The following TUBGCP3 variants were observed in gnomAD, a reference collection of about 807,000 sequenced individuals.
TUBGCP3 encodes tubulin gamma complex component 3.
TUBGCP3 carries 50 observed loss-of-function variants against 123.1 expected under a neutral mutation model. The ratio of observed to expected loss-of-function variants is 0.41; its 90% CI spans 0.32 to 0.51. The LOEUF is 0.51. TUBGCP3 is among the 20% of genes least tolerant of loss of function. The probability of loss-of-function intolerance (pLI) is 0.36; values close to 1 mark genes in which losing one functional copy is unlikely to be tolerated. For synonymous variants in TUBGCP3, 405 were observed against 413.9 expected (o/e 0.98, Z 0.26); for missense variants, 882 against 1,127.0 (o/e 0.78, Z 3.11).
chr13:112,541,237 C>T (rs1296210561), intron 11 of TUBGCP3, among the ~76,000 whole-genome samples: 4 of 152,274 alleles, frequency 2.6e-5, no homozygotes, highest in African/African-American at 9.6e-5. Flanking sequence ...CCTTTAAGGA[C>T]TCCTTTAAAA....
chr13:112,537,874 T>C (rs190920065), intron 11 of TUBGCP3, among the ~76,000 whole-genome samples: 9 of 152,350 alleles, frequency 5.9e-5, no homozygotes, highest in African/African-American at 2.2e-4. Context: ...GTAGTCCGTA[T>C]GCTTCTAGGA....
chr13:112,555,177 G>A (rs1879923748), intron 6 of TUBGCP3, among the ~76,000 whole-genome samples, 172 bp from the exon 7 acceptor site: 1 of 152,192 alleles, frequency 6.6e-6, no homozygotes, highest in Non-Finnish European at 1.5e-5. Context: ...AACAAGGCGA[G>A]TCTCAGTCTA....
chr13:112,540,314 C>T (rs1172224587), intron 11 of TUBGCP3, among the ~76,000 whole-genome samples: 1 of 142,744 alleles, frequency 7.0e-6, no homozygotes, highest in East Asian at 2.1e-4. Context: ...GGAAAGGACA[C>T]CTGGGAATGA....
At chr13:112,602,278 T>C in the TUBGCP3 span, among the ~76,000 whole-genome samples, 1 of 152,176 alleles carries the variant, frequency 6.6e-6, no homozygotes, top group African/African-American at 2.4e-5. Flanking sequence ...AGAAATCTGA[T>C]AAGACATTTG....
At chr13:112,523,225 G>A (rs778691743) in intron 13 of TUBGCP3, among the ~76,000 whole-genome samples, 1 of 152,172 alleles carries the variant, frequency 6.6e-6, no homozygotes, top group Non-Finnish European at 1.5e-5. Context: ...ACCCCAGTGG[G>A]AGGAACAACC....
chr13:112,535,542 A>G (rs1027124563), intron 11 of TUBGCP3, among the ~76,000 whole-genome samples: 4 of 152,148 alleles, frequency 2.6e-5, no homozygotes, highest in Non-Finnish European at 5.9e-5. Context: ...ATTTCGCTAT[A>G]ATAATAATCT....
rs115219805 is a variant in TUBGCP3, at chr13:112,568,159, C to T, written c.184+993G>A. The stretch of plus-strand genomic sequence containing the variant: ...CTAAGACCCAAAGCCAAATGGACTT[C>T]TAGAAGGTGTTATCACTAAGACCCA... On this transcript the variant is annotated intron_variant, in intron 2 of 21. Transcript: ENST00000261965. Among the ~76,000 whole-genome samples the T allele has an allele frequency of 6.5e-3, 985 of 151,120 alleles. 6 individuals are homozygous for T. The highest frequency in any genetic ancestry group is 0.021 in the African/African-American group (881 of 41,094).
At chr13:112,506,271 G>A (rs1383716331) in intron 17 of TUBGCP3, among the ~76,000 whole-genome samples, 1 of 152,064 alleles carries the variant, frequency 6.6e-6, no homozygotes, top group East Asian at 1.9e-4. Flanking sequence ...AAGGGCCCTC[G>A]TCCACATCCA....
chr13:112,526,960 C>A lies in TUBGCP3; in HGVS notation c.1537G>T (p.Ala513Ser), dbSNP rs767553924. 1 of 1,613,932 alleles carries A rather than the reference C, an allele frequency of 6.2e-7. No individual in the cohort carries two copies. The highest frequency in any genetic ancestry group is 8.5e-7 in the Non-Finnish European group (1 of 1,179,790). Residue 513 changes from alanine to serine, a missense_variant, in exon 13 of 22, where the codon GCA becomes TCA. Around this residue, in one of 3 missense-constraint regions of TUBGCP3, gnomAD observed 713 missense variants for 874.0 expected, o/e 0.82. Coordinates refer to ENST00000261965, the MANE Select transcript of TUBGCP3 (RefSeq NM_006322.6). ...TTKMIAVTKS[A>S]ESPQDAADLF... is the part of the protein sequence containing the mutation. ...ATCATACCGTCCTGGGGTGACTCTGCAGACTTGGTCACAGCTATCATCTTT... is the reference window on the plus strand; with the variant it reads ...ATCATACCGTCCTGGGGTGACTCTGAAGACTTGGTCACAGCTATCATCTTT...
chr13:112,515,213 A>G (rs9783579), intron 17 of TUBGCP3, among the ~76,000 whole-genome samples: 1,540 of 152,298 alleles, frequency 0.01, 24 homozygotes, highest in African/African-American at 0.035. Context: ...TCAGAAAACT[A>G]TATCGCAACC....
intron 1 of TUBGCP3, among the ~76,000 whole-genome samples, chr13:112,587,056 C>A (rs762922897): frequency 6.6e-6 from 1 of 152,202 alleles, no homozygotes; most frequent in Non-Finnish European, 1.5e-5. Context: ...TGAGTAACTT[C>A]TTTTCCACAT....
chr13:112,600,460 A>C, the TUBGCP3 span, among the ~76,000 whole-genome samples: 5 of 152,210 alleles, frequency 3.3e-5, no homozygotes, highest in African/African-American at 1.2e-4. Flanking sequence ...TTGTTCTGAC[A>C]TCATATCAAC....
chr13:112,534,571 A>G (rs1877882698), intron 11 of TUBGCP3, among the ~76,000 whole-genome samples: 1 of 151,976 alleles, frequency 6.6e-6, no homozygotes, highest in African/African-American at 2.4e-5. Flanking sequence ...ACAAAACAGA[A>G]AAAACTCCTG....
chr13:112,498,398 T>C (rs1248085919), intron 20 of TUBGCP3, among the ~76,000 whole-genome samples: 1 of 152,208 alleles, frequency 6.6e-6, no homozygotes, highest in Admixed American at 6.5e-5. Flanking sequence ...CATAGTAGCC[T>C]GAAGGTAATT....
Position 112,485,987 on chromosome 13 carries a change from C to T in TUBGCP3, c.*6G>A, listed in dbSNP as rs772541121. ...CACCCGCAGCTCCCTGGGAGGACCG[C>T]GAGCTTCACGTGTGGGAGCTGCGCC... is the stretch of plus-strand genomic sequence containing the variant. On this transcript the variant is annotated 3_prime_UTR_variant, in exon 22 of 22. Transcript: ENST00000261965. 4.4e-6 allele frequency: 7 copies of T among 1,579,658 alleles called. No individual in the cohort carries two copies. Among genetic ancestry groups the T allele is most frequent in the Middle Eastern group, 1.7e-4 (1 of 5,880 alleles).
intron 1 of TUBGCP3, 138 bp downstream of exon 1, chr13:112,587,767 A>C: frequency 1.5e-6 from 1 of 669,384 alleles, no homozygotes; most frequent in Non-Finnish European, 2.2e-6. Context: ...TCCGGGCCCC[A>C]CGTCCTCGGC....
chr13:112,593,374 C>G, the TUBGCP3 span, among the ~76,000 whole-genome samples: 2 of 152,236 alleles, frequency 1.3e-5, no homozygotes, highest in African/African-American at 2.4e-5. Flanking sequence ...GCCACGATGA[C>G]ACCACTGCTC....
intron 2 of TUBGCP3, 105 bp downstream of exon 2, chr13:112,569,047 T>G: frequency 4.1e-6 from 4 of 966,346 alleles, no homozygotes; most frequent in African/African-American, 1.6e-5. Context: ...AATATTAAAA[T>G]GCGCTTGGGA....
intron 20 of TUBGCP3, among the ~76,000 whole-genome samples, chr13:112,493,382 G>A (rs535908448): frequency 5.5e-4 from 73 of 131,786 alleles, no homozygotes; most frequent in Middle Eastern, 5.4e-3. Flanking sequence ...TCCCTGAGAC[G>A]CTCTGGCTAT....
Sources: gnomAD v4.1 joint callset for allele counts (sites outside exome capture counted in the v4.1 genomes callset) on GRCh38, gnomAD v4.1.1 for gene constraint, gnomAD v4.1.1 regional missense constraint, MANE v1.5 for transcripts, NCBI Gene and HGNC (gene_info 2026-07-23, HGNC 2026-07-21) for gene names.